Variants in NHS observed in about 807,000 individuals in gnomAD.
The protein encoded by NHS is NHS actin remodeling regulator.
In NHS, 5 loss-of-function variants were observed where a neutral mutation model predicts 72.5. The observed-to-expected ratio is 0.07, with a 90% CI of 0.04 to 0.14. NHS has a LOEUF of 0.14. NHS is among the 10% of genes least tolerant of loss of function. NHS has a pLI of 1.00. For missense variants in NHS, 1,072 were observed against 1,355.7 expected (o/e 0.79, Z 3.29); for synonymous variants, 464 against 547.7 (o/e 0.85, Z 2.13).
At chrX:17,640,109 A>G (rs536497032) in intron 1 of NHS, among the ~76,000 whole-genome samples, 74 of 112,043 alleles carry the variant, frequency 6.6e-4, no homozygotes, top group African/African-American at 2.3e-3. Context: ...AGCTATAAGC[A>G]ACTGTAATCT....
At chrX:17,618,826 C>T (rs1223240510) in intron 1 of NHS, among the ~76,000 whole-genome samples, 3 of 112,067 alleles carry the variant, frequency 2.7e-5, no homozygotes, top group East Asian at 2.8e-4. Flanking sequence ...GCAGCATTAA[C>T]TCACCAATTG....
chrX:17,735,212 TGA>T lies in NHS; in HGVS notation c.*2750_*2751del, dbSNP rs2066515516. 8.9e-6 allele frequency: 1 copy of T among 112,539 alleles called. No homozygotes were observed. Among genetic ancestry groups the T allele is most frequent in the Non-Finnish European group, 1.9e-5 (1 of 53,144 alleles). 9.3% of individuals were successfully genotyped at this position (112,539 alleles called of 1,213,427 possible). On this transcript the variant is annotated 3_prime_UTR_variant, in exon 9 of 9. Coordinates refer to ENST00000676302, the MANE Select transcript of NHS (RefSeq NM_001291867.2). ...TAAAATTCACTGTGGAAAAGAGTATTGAGTTACAAACTGAGAAGAAAAAGCAG... is the reference window on the plus strand; with the variant it reads ...TAAAATTCACTGTGGAAAAGAGTATTGTTACAAACTGAGAAGAAAAAGCAG...
chrX:17,376,443 A>G, intron 1 of NHS, 121 bp downstream of exon 1: 1 of 626,070 alleles, frequency 1.6e-6, no homozygotes, highest in Non-Finnish European at 2.5e-6. Context: ...GCACCTTACT[A>G]CTCTCGCCTT....
At chrX:17,671,365 G>A (rs910763761) in intron 1 of NHS, among the ~76,000 whole-genome samples, 8 of 112,426 alleles carry the variant, frequency 7.1e-5, no homozygotes, top group African/African-American at 1.9e-4. Flanking sequence ...TTCTGTGGAT[G>A]CCCCAAAGCA....
intron 1 of NHS, among the ~76,000 whole-genome samples, chrX:17,653,819 G>A (rs1008255017): frequency 8.9e-6 from 1 of 111,750 alleles, no homozygotes; most frequent in South Asian, 3.8e-4. Flanking sequence ...CCTGTTTGAA[G>A]TTGATCTGAG....
chrX:17,667,781 C>G (rs1444391207), intron 1 of NHS, among the ~76,000 whole-genome samples: 1 of 110,355 alleles, frequency 9.1e-6, no homozygotes, highest in African/African-American at 3.3e-5. Flanking sequence ...AAAGAAGCCT[C>G]TCATCTTTCT....
chrX:17,530,011 A>G (rs1307383228), intron 1 of NHS, among the ~76,000 whole-genome samples: 1 of 111,133 alleles, frequency 9.0e-6, no homozygotes, highest in Non-Finnish European at 1.9e-5. Flanking sequence ...CTTCTGTGGC[A>G]GCCAAGGGGG....
At chrX:17,581,690 A>ATCC (rs1432962762) in intron 1 of NHS, among the ~76,000 whole-genome samples, 43 of 111,454 alleles carry the variant, frequency 3.9e-4, no homozygotes, top group African/African-American at 1.3e-3. Context: ...TGGCCTTTGG[A>ATCC]ATTAACAGGT....
intron 1 of NHS, chrX:17,585,989 G>A (rs780148190): frequency 9.0e-6 from 1 of 110,868 alleles, no homozygotes; most frequent in South Asian, 3.9e-4. Context: ...GACCAGACTG[G>A]AGATGCTTTT....
chrX:17,523,098 C>G (rs762569748), intron 1 of NHS, among the ~76,000 whole-genome samples: 1 of 112,327 alleles, frequency 8.9e-6, no homozygotes, highest in Non-Finnish European at 1.9e-5. Flanking sequence ...CCATGGTCAG[C>G]AAGGCAGTTC....
chrX:17,389,998 C>T (rs1330695401), intron 1 of NHS, among the ~76,000 whole-genome samples: 1 of 111,138 alleles, frequency 9.0e-6, no homozygotes, highest in Non-Finnish European at 1.9e-5. Context: ...TTCTAAGTAG[C>T]AGGAAATACT....
At chrX:17,438,989 C>A (rs1419158805) in intron 1 of NHS, among the ~76,000 whole-genome samples, 1 of 109,287 alleles carries the variant, frequency 9.2e-6, no homozygotes, top group East Asian at 3.0e-4. Flanking sequence ...ACTGACACCT[C>A]TCTAGGGACC....
At chrX:17,631,803 G>A (rs556987943) in intron 1 of NHS, among the ~76,000 whole-genome samples, 18 of 111,924 alleles carry the variant, frequency 1.6e-4, no homozygotes, top group East Asian at 8.4e-4. Context: ...TTTATTTTTC[G>A]CTTGTGTAAA....
chrX:17,677,186 T>C (rs1374485773), intron 1 of NHS, among the ~76,000 whole-genome samples: 1 of 112,170 alleles, frequency 8.9e-6, no homozygotes, highest in African/African-American at 3.2e-5. Flanking sequence ...GCAGCCTTCT[T>C]AGTTCCCCAA....
chrX:17,588,883 A>G (rs2065588703), intron 1 of NHS, among the ~76,000 whole-genome samples: 1 of 111,864 alleles, frequency 8.9e-6, no homozygotes, highest in Non-Finnish European at 1.9e-5. Flanking sequence ...GCAATGTGGT[A>G]TTGTAGGCAG....
chrX:17,714,217 A>G (rs1399816448), intron 3 of NHS, among the ~76,000 whole-genome samples: 1 of 109,646 alleles, frequency 9.1e-6, no homozygotes, highest in East Asian at 2.8e-4. Context: ...AGAGAAGTTG[A>G]AAGACTTGTA....
At chrX:17,584,811 T>G (rs1169556880) in intron 1 of NHS, among the ~76,000 whole-genome samples, 1 of 111,836 alleles carries the variant, frequency 8.9e-6, no homozygotes, top group Non-Finnish European at 1.9e-5. Flanking sequence ...CTTCAACACT[T>G]AAAGACGAGA....
At chrX:17,713,114 T>C (rs2066344782) in intron 3 of NHS, among the ~76,000 whole-genome samples, 1 of 111,152 alleles carries the variant, frequency 9.0e-6, no homozygotes, top group Non-Finnish European at 1.9e-5. Context: ...CTCAAGGGAA[T>C]AAAAAAGTAC....
At chrX:17,710,996 A>G (rs1353153989) in intron 3 of NHS, among the ~76,000 whole-genome samples, 3 of 111,761 alleles carry the variant, frequency 2.7e-5, no homozygotes, top group Non-Finnish European at 5.6e-5. Context: ...GCCATGGAGG[A>G]GTGCTGCTGT....
Sources: gnomAD v4.1 joint callset for allele counts (sites outside exome capture counted in the v4.1 genomes callset) on GRCh38, gnomAD v4.1.1 for gene constraint, MANE v1.5 for transcripts, NCBI Gene and HGNC (gene_info 2026-07-23, HGNC 2026-07-21) for gene names.